The following SCIN variants were observed in gnomAD, a reference collection of about 807,000 sequenced individuals.
The protein encoded by SCIN is scinderin, also known as adseverin.
A neutral mutation model predicts 91.8 loss-of-function variants in SCIN; 91 were observed. The ratio of observed to expected loss-of-function variants is 0.99; its 90% CI spans 0.84 to 1.18. The LOEUF is 1.18. SCIN is among the 50% of genes most tolerant of loss of function. The pLI is 0.00. For synonymous variants in SCIN, 367 were observed against 312.6 expected, an observed-to-expected ratio of 1.17 and a Z score of -1.84; for missense variants, 1,087 against 863.9, an observed-to-expected ratio of 1.26 and a Z score of -3.24.
In SCIN at chr7:12,578,170, T is replaced by C. The variant is rs775034299; in HGVS notation, c.306T>C (p.Tyr102=). The change falls in exon 2 of 16, where the codon TAT becomes TAC. Residue 102 remains tyrosine, a synonymous_variant. Coordinates refer to ENST00000297029, the MANE Select transcript of SCIN (RefSeq NM_001112706.3). The part of the protein sequence containing the change: ...KPVQNRELQG[Y]ESNDFVSYFK... ...TGCAGAATAGAGAACTTCAAGGATA[T>C]GAGTCTAATGACTTTGTTAGCTATT... is the stretch of plus-strand genomic sequence containing the variant. The C allele has an allele frequency of 1.9e-6, 3 of 1,550,850 alleles. No individual in the cohort carries two copies. Among genetic ancestry groups the C allele is most frequent in the Non-Finnish European group, 2.6e-6 (3 of 1,146,466 alleles).
intron 9 of SCIN, among the ~76,000 whole-genome samples, chr7:12,631,888 A>G (rs2115281468): frequency 6.6e-6 from 1 of 152,314 alleles, no homozygotes; most frequent in East Asian, 1.9e-4. Context: ...GAAATGCAGG[A>G]AAATAGTGTG....
At chr7:12,649,619 G>A in intron 14 of SCIN, 75 bp downstream of exon 14, 1 of 952,036 alleles carries the variant, frequency 1.1e-6, no homozygotes, top group Non-Finnish European at 1.6e-6. Flanking sequence ...CTGAGAAATG[G>A]TAAGTCTAGA....
At position 12,577,999 on chromosome 7, in the gene SCIN, T is replaced by A. The variant is rs555659049; in HGVS notation, c.200-65T>A. 456 of 1,385,050 alleles carry A rather than the reference T, an allele frequency of 3.3e-4. 3 individuals are homozygous for A. The highest frequency in any genetic ancestry group is 4.0e-4 in the Non-Finnish European group (422 of 1,049,282). The allele number at this position is 1,385,050 out of a possible 1,614,324, so 85.8% of individuals were successfully genotyped here. A position where few individuals can be genotyped will look rare whatever the true frequency, so the allele number is the denominator to read the frequency against. On this transcript the variant is annotated intron_variant, in intron 1 of 15. Coordinates refer to ENST00000297029, the MANE Select transcript of SCIN (RefSeq NM_001112706.3). ...ATGAAAATTTCTGACTTCTTTCATA[T>A]CAGAAATTCTGCCTTAATCCTTTCT... is the stretch of plus-strand genomic sequence containing the variant.
intron 8 of SCIN, among the ~76,000 whole-genome samples, chr7:12,627,280 C>A (rs1239215492): frequency 6.6e-6 from 1 of 152,134 alleles, no homozygotes; most frequent in South Asian, 2.1e-4. Flanking sequence ...CTTCACCCTT[C>A]CACTGCCTTG....
intron 9 of SCIN, among the ~76,000 whole-genome samples, chr7:12,635,340 G>C (rs967396625): frequency 2.0e-5 from 3 of 149,864 alleles, no homozygotes; most frequent in Non-Finnish European, 4.4e-5. Flanking sequence ...GGCTGGGCGC[G>C]GTGGCTCATG....
At chr7:12,611,288 T>C (rs896047145) in intron 4 of SCIN, 1 of 152,204 alleles carries the variant, frequency 6.6e-6, no homozygotes, top group Non-Finnish European at 1.5e-5. Flanking sequence ...TTCTTTTAAA[T>C]TTACAGAAAT....
rs1291874964 is a variant in SCIN, at chr7:12,570,802, T to TA, written c.17dup (p.Tyr6Ter). The change falls in exon 1 of 16, where the codon TAC becomes TAAC. Residue 6 changes from tyrosine to a stop codon, truncating the protein, a stop_gained and frameshift_variant. Transcript: ENST00000297029. LOFTEE classifies it high-confidence loss of function. The stretch of plus-strand genomic sequence containing the variant: ...TGCAGGAGCCATGGCGCGGGAGCTA[T>TA]ACCACGAAGAGTTCGCCCGGGCGGG... MAREL[Y>*]HEEFARAGKQ... 5 of 1,551,160 alleles carry TA rather than the reference T, an allele frequency of 3.2e-6. No homozygotes were observed. In the Admixed American group the frequency reaches 9.8e-5, roughly 30 times the overall value.
intron 4 of SCIN, among the ~76,000 whole-genome samples, chr7:12,605,294 C>G (rs1342464744): frequency 6.6e-6 from 1 of 152,148 alleles, no homozygotes; most frequent in Non-Finnish European, 1.5e-5. Context: ...TGTGATCCGC[C>G]CGCCTTGGCC....
At chr7:12,643,816 TTCC>T (rs1453207635) in intron 11 of SCIN, among the ~76,000 whole-genome samples, 1 of 152,210 alleles carries the variant, frequency 6.6e-6, no homozygotes, top group Non-Finnish European at 1.5e-5. Flanking sequence ...CTGGTTCTTC[TTCC>T]TCTTTCTGGA....
rs1240163554 is a variant in SCIN, at chr7:12,658,233, G to A, written c.*5518G>A. 6.6e-6 allele frequency: 1 copy of A among 152,208 alleles called. No individual in the cohort carries two copies. The highest frequency in any genetic ancestry group is 2.4e-5 in the African/African-American group (1 of 41,448). 9.4% of individuals were successfully genotyped at this position (152,208 alleles called of 1,614,324 possible). ...TGAGTTTTCCTAATTATTTGACATT[G>A]TCATTAGCTTGTGATCCTTAGATGG... On this transcript the variant is annotated 3_prime_UTR_variant, in exon 16 of 16. Transcript: ENST00000297029.
At chr7:12,650,055 A>G (rs951511195) in intron 14 of SCIN, among the ~76,000 whole-genome samples, 1 of 152,226 alleles carries the variant, frequency 6.6e-6, no homozygotes, top group Non-Finnish European at 1.5e-5. Context: ...TTGACGTGCC[A>G]CATCTGATAG....
At chr7:12,609,954 A>C (rs559668083) in intron 4 of SCIN, among the ~76,000 whole-genome samples, 1 of 152,306 alleles carries the variant, frequency 6.6e-6, no homozygotes, top group South Asian at 2.1e-4. Context: ...TTCCCAATGA[A>C]GTTTGAAGAC....
chr7:12,597,589 GTCT>G (rs773452462), intron 3 of SCIN, among the ~76,000 whole-genome samples: 20 of 152,266 alleles, frequency 1.3e-4, no homozygotes, highest in East Asian at 1.2e-3. Context: ...CTCAAATGAT[GTCT>G]GGCTGCACTT....
rs17149967 is a variant in SCIN, at chr7:12,622,051, C to G, written c.667-750C>G. The stretch of plus-strand genomic sequence containing the variant: ...AAATAAGTTTATATTTGATTCCTGT[C>G]CTTGACATTCTATGCTGTTTGTGTT... On this transcript the variant is annotated intron_variant, in intron 4 of 15. Coordinates refer to ENST00000297029, the MANE Select transcript of SCIN (RefSeq NM_001112706.3). Among the ~76,000 whole-genome samples, 1,036 of 151,698 alleles carry G rather than the reference C, an allele frequency of 6.8e-3. 39 individuals carry two copies. The highest frequency in any genetic ancestry group is 0.052 in the Admixed American group (788 of 15,204).
Position 12,625,052 on chromosome 7 carries a change from G to A in SCIN, c.802G>A (p.Glu268Lys), listed in dbSNP as rs912837924. The change falls in exon 6 of 16, where the codon GAA becomes AAA. Residue 268 changes from glutamate (E) to lysine (K), a missense_variant. Physicochemically the swap from Glu to Lys is moderately conservative, Grantham distance 56 (BLOSUM62 1). Transcript: ENST00000297029. ...SGSMRVTVVA[E>K]ENPFSMAMLL... ...CTCCATGAGAGTGACTGTGGTGGCA[G>A]AAGAAAACCCCTTCTCAATGGCAAT... The A allele has an allele frequency of 4.4e-6, 7 of 1,583,538 alleles. No individual in the cohort carries two copies. The East Asian group carries it at 9.1e-5, about 21-fold the overall frequency.
At chr7:12,637,278 T>G (rs895658398) in intron 10 of SCIN, among the ~76,000 whole-genome samples, 1 of 152,226 alleles carries the variant, frequency 6.6e-6, no homozygotes, top group Non-Finnish European at 1.5e-5. Flanking sequence ...ATGCATTTTC[T>G]TACACTCTCA....
In SCIN at chr7:12,626,666, G is replaced by C. The variant is rs759024919; in HGVS notation, c.1064G>C (p.Gly355Ala). The C allele has an allele frequency of 6.4e-6, 10 of 1,563,250 alleles. No individual in the cohort carries two copies. In the African/African-American group the frequency reaches 1.4e-4, roughly 21 times the overall value. ...TGGAGAGATAAAGATCAGAGTGATG[G>C]CTTCGGGAAAGTTTATGTCACAGAG... ...KDWRDKDQSD[G>A]FGKVYVTEKV... The change falls in exon 8 of 16, where the codon GGC becomes GCC. Residue 355 changes from glycine to alanine, a missense_variant. Physicochemically the swap from Gly to Ala is moderately conservative, Grantham distance 60 (BLOSUM62 0). Coordinates refer to ENST00000297029, the MANE Select transcript of SCIN (RefSeq NM_001112706.3).
At chr7:12,605,262 A>G (rs932406736) in intron 4 of SCIN, among the ~76,000 whole-genome samples, 3 of 152,134 alleles carry the variant, frequency 2.0e-5, no homozygotes, top group Non-Finnish European at 2.9e-5. Flanking sequence ...CATGTTAGCC[A>G]GTGGTCCTGA....
At chr7:12,649,657 T>C in intron 14 of SCIN, 113 bp downstream of exon 14, 4 of 556,638 alleles carry the variant, frequency 7.2e-6, no homozygotes, top group Non-Finnish European at 1.2e-5. Flanking sequence ...ATTTAGGCTG[T>C]ATTTAAAAAA....
Sources: allele counts gnomAD v4.1 joint callset (sites outside exome capture counted in the v4.1 genomes callset), GRCh38; gene constraint gnomAD v4.1.1; transcripts MANE v1.5; gene names NCBI Gene and HGNC (gene_info 2026-07-23, HGNC 2026-07-21).